The following CARMIL1 variants were observed in gnomAD, a reference collection of about 807,000 sequenced individuals.
CARMIL1 encodes F-actin-uncapping protein LRRC16A.
Under a neutral mutation model 177.1 loss-of-function variants are expected in CARMIL1, and 90 were observed. The observed-to-expected ratio is 0.51, with a 90% confidence interval of 0.43 to 0.61. The LOEUF is 0.61. CARMIL1 is among the 20% of genes least tolerant of loss of function. The pLI, the probability that CARMIL1 is intolerant of heterozygous loss-of-function variation, is 0.00. For missense variants in CARMIL1, 1,380 were observed against 1,667.0 expected (o/e 0.83, Z 3.00); for synonymous variants, 577 against 606.2 (o/e 0.95, Z 0.71).
chr6:25,430,685 C>A (rs1444518154), intron 4 of CARMIL1, among the ~76,000 whole-genome samples: 1 of 152,170 alleles, frequency 6.6e-6, no homozygotes, highest in African/African-American at 2.4e-5. Flanking sequence ...CCTCCCTCAG[C>A]CTCCCAAAGT....
chr6:25,592,193 G>T (rs749082421), intron 31 of CARMIL1, among the ~76,000 whole-genome samples: 1 of 152,090 alleles, frequency 6.6e-6, no homozygotes, highest in African/African-American at 2.4e-5. Context: ...AACCTTCTGA[G>T]CCACTGTTTG....
At chr6:25,386,807 GA>G (rs1792206970) in intron 2 of CARMIL1, among the ~76,000 whole-genome samples, 1 of 151,990 alleles carries the variant, frequency 6.6e-6, no homozygotes, top group South Asian at 2.1e-4. Flanking sequence ...AGCAATAGGT[GA>G]AAATCATGAT....
intron 13 of CARMIL1, 89 bp downstream of exon 13, chr6:25,488,674 C>T (rs1160211691): frequency 2.9e-6 from 3 of 1,033,346 alleles, no homozygotes; most frequent in East Asian, 4.7e-5. Flanking sequence ...AGTGCATTTT[C>T]CTGCCTCTCT....
chr6:25,521,632 G>A (rs971858871), intron 23 of CARMIL1, among the ~76,000 whole-genome samples: 2 of 152,140 alleles, frequency 1.3e-5, no homozygotes, highest in African/African-American at 4.8e-5. Context: ...AGCCTGACTA[G>A]GTGGCGGGCG....
intron 2 of CARMIL1, among the ~76,000 whole-genome samples, chr6:25,289,261 TC>T (rs1275969119): frequency 1.3e-5 from 2 of 152,246 alleles, no homozygotes; most frequent in Admixed American, 6.5e-5. Context: ...TTAGGGGATG[TC>T]ATTAGAAAGT....
Position 25,620,221 on chromosome 6 carries a change from T to C in CARMIL1, c.*638T>C, listed in dbSNP as rs1759633537. On this transcript the variant is annotated 3_prime_UTR_variant, in exon 37 of 37. Transcript: ENST00000329474. ...CATTTAAAGCTTGGTCGGTGACCTT[T>C]GCATACCATCAACGAGCACAGCTAA... 1 of 152,526 alleles carries C rather than the reference T, an allele frequency of 6.6e-6. No individual in the cohort carries two copies. The highest frequency in any genetic ancestry group is 2.4e-5 in the African/African-American group (1 of 41,452). 9.4% of individuals were successfully genotyped at this position (152,526 alleles called of 1,614,324 possible).
At chr6:25,464,534 A>C (rs1800423489) in intron 8 of CARMIL1, among the ~76,000 whole-genome samples, 1 of 152,020 alleles carries the variant, frequency 6.6e-6, no homozygotes, top group African/African-American at 2.4e-5. Flanking sequence ...ACTTCTTTCC[A>C]CCTTCTGCCT....
Position 25,509,562 on chromosome 6 carries a change from T to C in CARMIL1, c.1396-94T>C. On this transcript the variant is annotated intron_variant, in intron 17 of 36. Coordinates refer to ENST00000329474, the MANE Select transcript of CARMIL1 (RefSeq NM_017640.6). This position sits in a 1 kb window ranked among gnomAD's most constrained non-coding sequence, Gnocchi z 4.1. ...TACTTTTTCTTTGGTACTAAGTTTA[T>C]TTTAAGACTGACTGTCTCTCCTATT... The C allele has an allele frequency of 1.2e-6, 1 of 814,792 alleles. No homozygotes were observed. Among genetic ancestry groups the C allele is most frequent in the Non-Finnish European group, 2.0e-6 (1 of 495,342 alleles). The allele number at this position is 814,792 out of a possible 1,614,324, so 50.5% of individuals were successfully genotyped here. A position where few individuals can be genotyped will look rare whatever the true frequency, so the allele number is the denominator to read the frequency against.
chr6:25,568,316 A>G (rs538059150), intron 29 of CARMIL1, among the ~76,000 whole-genome samples: 1 of 152,346 alleles, frequency 6.6e-6, no homozygotes, highest in African/African-American at 2.4e-5. Context: ...TTAAAAAGGT[A>G]AAGTGGGGTG....
Position 25,581,344 on chromosome 6 carries a change from ATC to A in CARMIL1, c.2915_2916del (p.Ser972Ter). On this transcript the variant is annotated frameshift_variant, in exon 31 of 37. Coordinates refer to ENST00000329474, the MANE Select transcript of CARMIL1 (RefSeq NM_017640.6). LOFTEE classifies it high-confidence loss of function. Reference sequence around the variant, plus strand: ...ACAGGAGAAGCGGAGCTCGGGATTTATCTCTGAGTTGCCCTCTGAAGAGGGGA... The same window carrying A: ...ACAGGAGAAGCGGAGCTCGGGATTTATCTGAGTTGCCCTCTGAAGAGGGGA... ...LRQEKRSSGF[I>X]SELPSEEGKK... 6.2e-7 allele frequency: 1 copy of A among 1,613,802 alleles called. No homozygotes were observed. Among genetic ancestry groups the A allele is most frequent in the Non-Finnish European group, 8.5e-7 (1 of 1,179,840 alleles).
At chr6:25,318,760 G>C (rs982213048) in intron 2 of CARMIL1, among the ~76,000 whole-genome samples, 3 of 152,202 alleles carry the variant, frequency 2.0e-5, no homozygotes, top group Non-Finnish European at 4.4e-5. Context: ...AGTTGCATTA[G>C]GAAGGCGAGT....
At chr6:25,521,563 A>G (rs1806559204) in intron 23 of CARMIL1, among the ~76,000 whole-genome samples, 1 of 152,138 alleles carries the variant, frequency 6.6e-6, no homozygotes, top group East Asian at 1.9e-4. Context: ...AGGTCAGGAG[A>G]TCGAGACCAT....
At chr6:25,294,862 C>A (rs1782268681) in intron 2 of CARMIL1, among the ~76,000 whole-genome samples, 1 of 152,080 alleles carries the variant, frequency 6.6e-6, no homozygotes, top group Admixed American at 6.6e-5. Flanking sequence ...TGGCGAACAC[C>A]CTTGAACTGA....
chr6:25,488,775 A>G (rs1802918289), intron 13 of CARMIL1, among the ~76,000 whole-genome samples, 190 bp downstream of exon 13: 1 of 152,166 alleles, frequency 6.6e-6, no homozygotes, highest in Non-Finnish European at 1.5e-5. Flanking sequence ...AATGTCATAT[A>G]TCACCACAAT....
chr6:25,440,603 G>A (rs1797655726), intron 5 of CARMIL1, among the ~76,000 whole-genome samples: 1 of 152,178 alleles, frequency 6.6e-6, no homozygotes, highest in Admixed American at 6.5e-5. Flanking sequence ...TGACTAGAGA[G>A]GGTGGAGAAG....
chr6:25,421,830 T>G (rs889187531), intron 3 of CARMIL1, among the ~76,000 whole-genome samples: 1 of 127,708 alleles, frequency 7.8e-6, no homozygotes, highest in Admixed American at 9.6e-5. Context: ...TGAGAACAGA[T>G]GGACACAGGA....
rs536645971 is a variant in CARMIL1 at position 25,528,761 on chromosome 6, G to C, written c.1969-34G>C. The stretch of plus-strand genomic sequence containing the variant: ...ACTTTATTCTCCGCTGGGTTGAAAT[G>C]TATTCTTGAGGGATGCCTGTGCTTT... On this transcript the variant is annotated intron_variant, in intron 23 of 36. Transcript: ENST00000329474. 55 of 1,441,720 alleles carry C rather than the reference G, an allele frequency of 3.8e-5. No homozygotes were observed. The South Asian group carries it at 6.2e-4, about 16-fold the overall frequency. The allele number at this position is 1,441,720 out of a possible 1,614,324, so 89.3% of individuals were successfully genotyped here. A position where few individuals can be genotyped will look rare whatever the true frequency, so the allele number is the denominator to read the frequency against.
In CARMIL1 at chr6:25,515,715, C is replaced by G. The variant is rs1335909234; in HGVS notation, c.1673C>G (p.Thr558Ser). The G allele has an allele frequency of 6.2e-7, 1 of 1,609,366 alleles. No individual in the cohort carries two copies. Reference sequence around the variant, plus strand: ...TCCCTGGCTGACTCGAAACTCAAGACTGAGGTCACCATCATCATCAATGCC... The same window carrying G: ...TCCCTGGCTGACTCGAAACTCAAGAGTGAGGTCACCATCATCATCAATGCC... The part of the protein sequence containing the change: ...SLSLADSKLK[T>S]EVTIIINALG... The change falls in exon 21 of 37, where the codon ACT becomes AGT. Residue 558 changes from threonine (T) to serine (S), a missense_variant. By Grantham distance (58) the Thr-to-Ser change is moderately conservative (BLOSUM62 1). Coordinates refer to ENST00000329474, the MANE Select transcript of CARMIL1 (RefSeq NM_017640.6). This position sits in a 1 kb window ranked among gnomAD's most constrained non-coding sequence, Gnocchi z 5.0.
Position 25,606,227 on chromosome 6 carries a change from A to G in CARMIL1, c.3801A>G (p.Ala1267=). Residue 1267 remains alanine, a synonymous_variant, in exon 35 of 37, where the codon GCA becomes GCG. Transcript: ENST00000329474. ...TGCAGTCCCCCAAACCCAGTCTGGCAGCACGGCCCGTCATCCCGCAGAAAC... is the reference window on the plus strand; with the variant it reads ...TGCAGTCCCCCAAACCCAGTCTGGCGGCACGGCCCGTCATCCCGCAGAAAC... ...PLLQSPKPSL[A]ARPVIPQKPR... 6.2e-7 allele frequency: 1 copy of G among 1,613,968 alleles called. No homozygotes were observed. The highest frequency in any genetic ancestry group is 1.7e-5 in the Admixed American group (1 of 60,018).
Sources: allele counts gnomAD v4.1 joint callset (sites outside exome capture counted in the v4.1 genomes callset), GRCh38; gene constraint gnomAD v4.1.1; non-coding constraint Gnocchi (gnomAD v3.1); transcripts MANE v1.5; gene names NCBI Gene and HGNC (gene_info 2026-07-23, HGNC 2026-07-21).